The following SPATA13 variants were observed in gnomAD, a reference collection of about 807,000 sequenced individuals.
SPATA13 encodes the protein spermatogenesis associated 13.
Under a neutral mutation model 104.0 loss-of-function variants are expected in SPATA13, and 50 were observed. That is an observed-to-expected ratio of 0.48 (90% CI 0.38 to 0.61). The LOEUF (loss-of-function observed/expected upper bound fraction) is 0.61. Ranked by LOEUF, SPATA13 falls within the 20% of genes least tolerant of loss-of-function variation. The pLI is 0.00. For synonymous variants in SPATA13, 606 were observed against 667.5 expected, an observed-to-expected ratio of 0.91 and a Z score of 1.42; for missense variants, 1,524 against 1,690.6, an observed-to-expected ratio of 0.90 and a Z score of 1.73.
At chr13:24,084,344 G>A (rs561906506) in intron 3 of SPATA13, among the ~76,000 whole-genome samples, 8 of 152,294 alleles carry the variant, frequency 5.3e-5, no homozygotes, top group South Asian at 2.1e-4. Context: ...AGCTGAGCCC[G>A]CGCATGATGG....
chr13:24,251,357 G>A (rs1057049416), intron 3 of SPATA13: 1 of 645,938 alleles, frequency 1.5e-6, no homozygotes, highest in African/African-American at 2.0e-5. Context: ...GGCCACCCCT[G>A]GGAAAGCATC....
At chr13:24,173,963 G>C (rs1386314929) in intron 1 of SPATA13, among the ~76,000 whole-genome samples, 1 of 152,144 alleles carries the variant, frequency 6.6e-6, no homozygotes, top group Non-Finnish European at 1.5e-5. Flanking sequence ...TGGTACCAGG[G>C]AAATATCACC....
At chr13:24,013,987 G>C (rs2137689637) in intron 2 of SPATA13, among the ~76,000 whole-genome samples, 1 of 152,270 alleles carries the variant, frequency 6.6e-6, no homozygotes, top group South Asian at 2.1e-4. Flanking sequence ...GAGTGTGCTA[G>C]AGTCAGAGCC....
In SPATA13 at chr13:24,047,727, C is replaced by T. The variant is rs114558327; in HGVS notation, c.-112+30026C>T. ...TTCATGTTGGCTTTTTCACTTGTATCAGCAAGGGCTCTCCAGAGAAACGGA... is the reference window on the plus strand; with the variant it reads ...TTCATGTTGGCTTTTTCACTTGTATTAGCAAGGGCTCTCCAGAGAAACGGA... On this transcript the variant is annotated intron_variant, in intron 3 of 14. Coordinates refer to the SPATA13 transcript ENST00000424834. Among the ~76,000 whole-genome samples the T allele has an allele frequency of 9.4e-3, 1,431 of 152,282 alleles. 26 individuals carry two copies. Among genetic ancestry groups the T allele is most frequent in the African/African-American group, 0.031 (1,291 of 41,542 alleles).
intron 2 of SPATA13, among the ~76,000 whole-genome samples, chr13:23,999,881 A>G (rs917471950): frequency 6.6e-6 from 1 of 152,224 alleles, no homozygotes; most frequent in Non-Finnish European, 1.5e-5. Flanking sequence ...AGCAAATGCA[A>G]AGTAGCTCTG....
chr13:24,249,973 C>A, intron 3 of SPATA13, 131 bp downstream of exon 3: 1 of 1,202,694 alleles, frequency 8.3e-7, no homozygotes, highest in Middle Eastern at 3.0e-4. Flanking sequence ...ACTTAACCAC[C>A]TTTTCTTCCT....
intron 1 of SPATA13, among the ~76,000 whole-genome samples, chr13:24,198,953 T>TA (rs1334665436): frequency 6.8e-6 from 1 of 147,724 alleles, no homozygotes; most frequent in Non-Finnish European, 1.5e-5. Context: ...TATAAAATCT[T>TA]TTTTTTTTTT....
chr13:24,201,333 C>T (rs1300096095), intron 1 of SPATA13, among the ~76,000 whole-genome samples: 1 of 152,114 alleles, frequency 6.6e-6, no homozygotes, highest in Non-Finnish European at 1.5e-5. Context: ...CCCCTCTCCC[C>T]TGTTCACTGT....
chr13:24,058,000 C>A (rs1013843363), intron 3 of SPATA13, among the ~76,000 whole-genome samples: 1 of 151,858 alleles, frequency 6.6e-6, no homozygotes, highest in East Asian at 1.9e-4. Context: ...ATGTTCATGG[C>A]CAAATTCAAG....
intron 1 of SPATA13, among the ~76,000 whole-genome samples, chr13:24,213,987 A>G (rs1258533493): frequency 1.3e-5 from 2 of 152,268 alleles, no homozygotes; most frequent in Admixed American, 1.3e-4. Context: ...TTTTGAAATG[A>G]AATAATGGCA....
chr13:24,203,651 G>T (rs984526356), intron 1 of SPATA13, among the ~76,000 whole-genome samples: 1 of 152,082 alleles, frequency 6.6e-6, no homozygotes, highest in Non-Finnish European at 1.5e-5. Context: ...AATTTCTGGG[G>T]CTTAAATTTC....
intron 3 of SPATA13, chr13:24,122,895 A>C: frequency 1.3e-6 from 1 of 775,084 alleles, no homozygotes; most frequent in Non-Finnish European, 2.4e-6. Context: ...CTGTAAGCAG[A>C]TTCCCTCGAG....
intron 3 of SPATA13, among the ~76,000 whole-genome samples, chr13:24,032,669 C>T (rs995646411): frequency 2.0e-5 from 3 of 152,146 alleles, no homozygotes; most frequent in African/African-American, 7.2e-5. Context: ...TGGGAAAATC[C>T]AGGGCACGAG....
At chr13:24,069,068 TTTC>T (rs1879068969) in intron 3 of SPATA13, among the ~76,000 whole-genome samples, 2 of 152,162 alleles carry the variant, frequency 1.3e-5, no homozygotes, top group Admixed American at 1.3e-4. Flanking sequence ...TACCTCCACT[TTTC>T]TTCTTTTTGC....
intron 4 of SPATA13, among the ~76,000 whole-genome samples, chr13:24,257,136 T>C (rs1421607948): frequency 6.6e-6 from 1 of 152,252 alleles, no homozygotes; most frequent in Non-Finnish European, 1.5e-5. Context: ...CGAGTGCTTT[T>C]CAGAATTCTT....
At chr13:24,113,868 C>CAAAAAAAAAAAAAAAAAAA (rs958434459) in intron 3 of SPATA13, among the ~76,000 whole-genome samples, 2 of 56,190 alleles carry the variant, frequency 3.6e-5, no homozygotes, top group African/African-American at 1.3e-4. Flanking sequence ...GACTCGATCT[C>CAAAAAAAAAAAAAAAAAAA]AAAAAAAAAA....
intron 3 of SPATA13, among the ~76,000 whole-genome samples, chr13:24,030,097 C>A (rs1877416368): frequency 6.6e-6 from 1 of 151,546 alleles, no homozygotes; most frequent in African/African-American, 2.4e-5. Flanking sequence ...CACATACATA[C>A]ATACATACAT....
rs1276835413 is a variant in SPATA13 at position 24,286,941 on chromosome 13, C to T, written c.2658C>T (p.Asp886=). The T allele has an allele frequency of 1.2e-6, 2 of 1,612,990 alleles. No individual in the cohort carries two copies. The highest frequency in any genetic ancestry group is 2.7e-5 in the African/African-American group (2 of 74,846). The change falls in exon 7 of 13, where the codon GAC becomes GAT. Residue 886 remains aspartate, a synonymous_variant. Transcript: ENST00000382108. The surrounding 1 kb of genome is among the most constrained non-coding windows in gnomAD (Gnocchi z 4.9). ...GGGTGTACATCAAACACCTCAGGGA[C>T]ATCTGTGAGGTGGGACGCCAGGCTG... ...TERVYIKHLR[D]ICEGYIRQCR... is the part of the protein sequence containing the mutation.
At chr13:24,131,638 A>C (rs1881391822) in intron 3 of SPATA13, among the ~76,000 whole-genome samples, 1 of 152,196 alleles carries the variant, frequency 6.6e-6, no homozygotes, top group African/African-American at 2.4e-5. Context: ...ATATAACAGA[A>C]AATCTGGAAA....
Sources: allele counts gnomAD v4.1 joint callset (sites outside exome capture counted in the v4.1 genomes callset), GRCh38; gene constraint gnomAD v4.1.1; non-coding constraint Gnocchi (gnomAD v3.1); transcripts MANE v1.5; gene names NCBI Gene and HGNC (gene_info 2026-07-23, HGNC 2026-07-21).